The following USP36 variants were observed in gnomAD, a reference collection of about 807,000 sequenced individuals.
USP36 encodes ubiquitin specific peptidase 36, also known as ubiquitin carboxyl-terminal hydrolase 36.
Under a neutral mutation model 111.5 loss-of-function variants are expected in USP36, and 59 were observed. The ratio of observed to expected loss-of-function variants is 0.53; its 90% CI spans 0.43 to 0.66. The LOEUF is 0.66. Among genes scored for constraint, USP36 ranks in the 30% least tolerant of loss-of-function variants. The probability of loss-of-function intolerance (pLI) is 0.00; values close to 1 mark genes in which losing one functional copy is unlikely to be tolerated. For missense variants in USP36, 1,488 were observed against 1,468.0 expected (o/e 1.01, Z -0.22); for synonymous variants, 628 against 581.0 (o/e 1.08, Z -1.16).
intron 4 of USP36, among the ~76,000 whole-genome samples, chr17:78,830,511 T>A (rs2067987274): frequency 6.6e-6 from 1 of 152,232 alleles, no homozygotes; most frequent in African/African-American, 2.4e-5. Flanking sequence ...TTCTCTAAAG[T>A]ACACGCTCAG....
intron 6 of USP36, among the ~76,000 whole-genome samples, chr17:78,825,314 A>G (rs994224638): frequency 6.6e-6 from 1 of 152,208 alleles, no homozygotes; most frequent in Admixed American, 6.5e-5. Flanking sequence ...AGTAACATCA[A>G]AAGTCATCTA....
intron 2 of USP36, among the ~76,000 whole-genome samples, chr17:78,837,612 C>T (rs2068804491): frequency 6.6e-6 from 1 of 152,164 alleles, no homozygotes; most frequent in Non-Finnish European, 1.5e-5. Flanking sequence ...CAATCGCTAC[C>T]TTTGTATCCA....
intron 18 of USP36, 137 bp downstream of exon 18, chr17:78,799,530 G>A (rs928917605): frequency 1.3e-6 from 1 of 762,682 alleles, no homozygotes; most frequent in Non-Finnish European, 2.2e-6. Context: ...CCAGTGTTGA[G>A]ATTCCTCTTC....
intron 5 of USP36, among the ~76,000 whole-genome samples, chr17:78,827,904 CTA>C (rs1333083138): frequency 1.3e-5 from 2 of 152,114 alleles, no homozygotes; most frequent in African/African-American, 4.8e-5. Context: ...GAGCAAGACT[CTA>C]TCTCAGAAAG....
Position 78,821,994 on chromosome 17 carries a change from G to C in USP36, c.700C>G (p.Gln234Glu), listed in dbSNP as rs748713371. The stretch of plus-strand genomic sequence containing the variant: ...TGGACCAAGGTAGTAGCCTGCGTTT[G>C]ACGATCCAACCTGAAAAGGAGACCC... ...CLNGCAKLDR[Q>E]TQATTLVHQI... The change falls in exon 7 of 21, where the codon CAA (glutamine) becomes GAA (glutamate). Residue 234 changes from glutamine (Q) to glutamate (E), a missense_variant. Around this residue, in one of 3 missense-constraint regions of USP36, gnomAD observed 196 missense variants for 264.4 expected, o/e 0.74. Transcript: ENST00000449938. The C allele has an allele frequency of 2.2e-5, 35 of 1,614,050 alleles. No individual in the cohort carries two copies.
chr17:78,795,100 C>T (rs998290229), downstream of USP36, among the ~76,000 whole-genome samples: 4 of 152,116 alleles, frequency 2.6e-5, no homozygotes, highest in Admixed American at 1.3e-4. The surrounding 1 kb of genome is among the most constrained non-coding windows in gnomAD (Gnocchi z 4.5). Context: ...CTCTCCAAGC[C>T]TCAGAACCCC....
At chr17:78,810,907 A>C (rs991853977) in intron 13 of USP36, among the ~76,000 whole-genome samples, 2 of 152,056 alleles carry the variant, frequency 1.3e-5, no homozygotes, top group African/African-American at 4.8e-5. Context: ...TGAGGTCAGG[A>C]GTTCCAGACC....
chr17:78,827,783 C>T (rs142203151), intron 5 of USP36, among the ~76,000 whole-genome samples: 402 of 152,274 alleles, frequency 2.6e-3, no homozygotes, highest in Middle Eastern at 0.014. Flanking sequence ...ATGGCATGTG[C>T]CTGTAGTCCC....
chr17:78,836,604 G>A (rs971741268), intron 2 of USP36, among the ~76,000 whole-genome samples: 8 of 152,194 alleles, frequency 5.3e-5, no homozygotes, highest in African/African-American at 1.9e-4. Flanking sequence ...TACAAATAGA[G>A]GTGAGCAGAC....
chr17:78,804,472 A>C (rs1002825988), intron 15 of USP36, among the ~76,000 whole-genome samples: 1 of 129,982 alleles, frequency 7.7e-6, no homozygotes, highest in Non-Finnish European at 1.6e-5. Flanking sequence ...AAAAAAAAAA[A>C]ACCAAAAAAA....
rs1227958320 is a variant in USP36, at chr17:78,821,071, A to G, written c.758-10T>C. ...CACACGGAGCACTTCACTGCAACAG[A>G]ACAGAGGCAGTGGAGCAGGTGGGGC... On this transcript the variant is annotated splice_polypyrimidine_tract_variant and intron_variant, in intron 7 of 20. Transcript: ENST00000449938. 4 of 1,594,724 alleles carry G rather than the reference A, an allele frequency of 2.5e-6. No homozygotes were observed. Among genetic ancestry groups the G allele is most frequent in the Non-Finnish European group, 2.6e-6 (3 of 1,170,104 alleles).
intron 4 of USP36, among the ~76,000 whole-genome samples, chr17:78,831,600 A>T (rs2068117461): frequency 6.6e-6 from 1 of 151,944 alleles, no homozygotes; most frequent in African/African-American, 2.4e-5. Context: ...AGCAACAGAG[A>T]CTCTGTCTCA....
At chr17:78,814,649 G>T in intron 10 of USP36, 97 bp from the exon 11 acceptor site, 1 of 1,457,754 alleles carries the variant, frequency 6.9e-7, no homozygotes, top group Non-Finnish European at 9.2e-7. Context: ...TGCCCAGCTT[G>T]TCTGGTCTTT....
At chr17:78,799,631 G>T in intron 18 of USP36, 36 bp downstream of exon 18, 1 of 1,600,106 alleles carries the variant, frequency 6.2e-7, no homozygotes, top group Non-Finnish European at 8.5e-7. Context: ...ACCAACCAAT[G>T]AAAGGCAAAC....
intron 17 of USP36, among the ~76,000 whole-genome samples, chr17:78,800,134 C>CAA (rs372037379): frequency 1.5e-5 from 2 of 133,446 alleles, no homozygotes; most frequent in African/African-American, 5.5e-5. Context: ...AGCTAAAAAC[C>CAA]AAAAAAAAAA....
Position 78,803,735 on chromosome 17 carries a change from C to A in USP36, c.2460G>T (p.Pro820=), listed in dbSNP as rs749336576. 1.9e-6 allele frequency: 3 copies of A among 1,612,198 alleles called. No homozygotes were observed. Among genetic ancestry groups the A allele is most frequent in the Non-Finnish European group, 2.5e-6 (3 of 1,179,922 alleles). The part of the protein sequence containing the change: ...EKRKKTFVGE[P]QRLGSETRLP... ...GGCGCGTCTCTGAGCCCAGCCTCTG[C>A]GGCTCTCCCACAAAGGTCTTTTTCC... The change falls in exon 16 of 21, where the codon CCG becomes CCT. Residue 820 remains proline, a synonymous_variant. Coordinates refer to ENST00000449938, the MANE Select transcript of USP36 (RefSeq NM_001385174.1). The surrounding 1 kb of genome is among the most constrained non-coding windows in gnomAD (Gnocchi z 4.6).
intron 8 of USP36, among the ~76,000 whole-genome samples, chr17:78,820,601 C>A (rs7207007): frequency 0.058 from 8,794 of 152,216 alleles, 803 homozygotes; most frequent in African/African-American, 0.2. Context: ...AGACCACCCT[C>A]CCGCACCCTG....
Position 78,798,171 on chromosome 17 carries a change from C to T in USP36, c.*20+229G>A. On this transcript the variant is annotated intron_variant, in intron 20 of 20. Coordinates refer to ENST00000449938, the MANE Select transcript of USP36 (RefSeq NM_001385174.1). This position sits in a 1 kb window ranked among gnomAD's most constrained non-coding sequence, Gnocchi z 5.1. ...CTACACACACCCCCTTATACACACG[C>T]ATCCCACACACACCCCCTTATACAC... 7.0e-6 allele frequency: 4 copies of T among 568,162 alleles called. No individual in the cohort carries two copies. Among genetic ancestry groups the T allele is most frequent in the Non-Finnish European group, 1.2e-5 (4 of 321,786 alleles). 35.2% of individuals were successfully genotyped at this position (568,162 alleles called of 1,614,324 possible).
intron 4 of USP36, among the ~76,000 whole-genome samples, chr17:78,831,715 G>A (rs1362876296): frequency 2.0e-5 from 3 of 152,100 alleles, no homozygotes; most frequent in Non-Finnish European, 2.9e-5. Context: ...GGCTGACGCA[G>A]GAGGATCGCT....
Sources: allele counts gnomAD v4.1 joint callset (sites outside exome capture counted in the v4.1 genomes callset), GRCh38; gene constraint gnomAD v4.1.1; regional missense constraint gnomAD v4.1.1; non-coding constraint Gnocchi (gnomAD v3.1); transcripts MANE v1.5; gene names NCBI Gene and HGNC (gene_info 2026-07-23, HGNC 2026-07-21).